KYAT3: variants seen among roughly 807,000 people sequenced by gnomAD.
KYAT3 encodes the protein kynurenine aminotransferase 3.
In KYAT3, 50 loss-of-function variants were observed where a neutral mutation model predicts 59.0. The observed-to-expected ratio is 0.85, with a 90% CI of 0.68 to 1.07. The LOEUF (loss-of-function observed/expected upper bound fraction) is 1.07, where lower values mean the gene tolerates loss of function less well. KYAT3 is among the 50% of genes least tolerant of loss of function. The pLI, the probability that KYAT3 is intolerant of heterozygous loss-of-function variation, is 0.00. For synonymous variants in KYAT3, 148 were observed against 177.0 expected (o/e 0.84, Z 1.30); for missense variants, 497 against 533.3 (o/e 0.93, Z 0.67).
intron 9 of KYAT3, among the ~76,000 whole-genome samples, chr1:88,953,889 C>T (rs1281549822): frequency 1.7e-5 from 2 of 121,172 alleles, no homozygotes; most frequent in Admixed American, 8.8e-5. Flanking sequence ...GATGCTCCCT[C>T]CTTCTTCTTC....
intron 12 of KYAT3, 86 bp downstream of exon 12, chr1:88,943,264 G>T: frequency 3.0e-6 from 3 of 1,009,948 alleles, no homozygotes; most frequent in Non-Finnish European, 4.6e-6. Flanking sequence ...CATTACATTT[G>T]ATCGATTTCA....
chr1:88,930,337 G>C, the KYAT3 span, among the ~76,000 whole-genome samples: 3 of 152,332 alleles, frequency 2.0e-5, no homozygotes, highest in African/African-American at 7.2e-5. Flanking sequence ...ATTACTTGAA[G>C]GGCCAGTGCT....
chr1:88,987,895 T>C (rs1240969754), intron 2 of KYAT3, among the ~76,000 whole-genome samples: 1 of 152,180 alleles, frequency 6.6e-6, no homozygotes, highest in Non-Finnish European at 1.5e-5. Context: ...CAGATGTACG[T>C]ATTGTATTTG....
At chr1:88,947,229 G>A (rs369138188) in intron 11 of KYAT3, among the ~76,000 whole-genome samples, 1 of 152,238 alleles carries the variant, frequency 6.6e-6, no homozygotes, top group African/African-American at 2.4e-5. Flanking sequence ...GTGCCTGCTC[G>A]CTCTAAACCC....
chr1:88,939,315 G>A (rs1675152288), intron 13 of KYAT3, among the ~76,000 whole-genome samples: 1 of 152,080 alleles, frequency 6.6e-6, no homozygotes, highest in Non-Finnish European at 1.5e-5. Context: ...TTCTTGGTAT[G>A]TTTTTGTCAT....
chr1:88,974,461 G>A (rs1374169413), intron 2 of KYAT3, among the ~76,000 whole-genome samples: 1 of 138,270 alleles, frequency 7.2e-6, no homozygotes, highest in Non-Finnish European at 1.5e-5. Context: ...GCATTTTGGT[G>A]TCTCTCTCTT....
intron 9 of KYAT3, 110 bp downstream of exon 9, chr1:88,955,039 T>G (rs914807013): frequency 1.5e-5 from 11 of 712,880 alleles, no homozygotes; most frequent in Admixed American, 2.2e-5. Context: ...GTGCTGGGAT[T>G]ACAGGCATGA....
chr1:88,939,887 G>A (rs766134578), intron 13 of KYAT3, among the ~76,000 whole-genome samples: 18 of 151,566 alleles, frequency 1.2e-4, no homozygotes, highest in Non-Finnish European at 2.2e-4. Context: ...CCCTGAATTC[G>A]TAAAATCTCT....
In KYAT3 at chr1:88,968,673, G is replaced by T; in HGVS notation, c.300C>A (p.Gly100=). The part of the protein sequence containing the change: ...AIDSLNQYTR[G]FGHPSLVKAL... ...CATATGGTCTTGATATACTTACAAA[G>T]CCTCGTGTATACTGATTCAGGCTAT... is the stretch of plus-strand genomic sequence containing the variant. The change falls in exon 4 of 14, where the codon GGC becomes GGA. Residue 100 remains glycine, a synonymous_variant. Transcript: ENST00000260508. The T allele has an allele frequency of 6.4e-7, 1 of 1,563,562 alleles. No individual in the cohort carries two copies. Among genetic ancestry groups the T allele is most frequent in the South Asian group, 1.2e-5 (1 of 81,748 alleles).
chr1:88,964,807 A>G, intron 5 of KYAT3, 22 bp downstream of exon 5: 1 of 1,540,536 alleles, frequency 6.5e-7, no homozygotes, highest in Non-Finnish European at 8.9e-7. Flanking sequence ...TATGGGTATT[A>G]CGATAATGTT....
At chr1:88,948,941 A>G (rs1047808225) in intron 11 of KYAT3, 150 bp downstream of exon 11, 2 of 566,812 alleles carry the variant, frequency 3.5e-6, no homozygotes, top group South Asian at 6.7e-5. Context: ...AAGTAAAGAT[A>G]ATTATAGAAA....
chr1:88,960,141 C>T (rs1676084330), intron 8 of KYAT3, among the ~76,000 whole-genome samples: 1 of 150,624 alleles, frequency 6.6e-6, no homozygotes, highest in South Asian at 2.1e-4. Flanking sequence ...CTCCATGTTG[C>T]CCAGGCCAGT....
At chr1:88,943,180 A>T in intron 12 of KYAT3, 89 bp from the exon 13 acceptor site, 2 of 1,107,962 alleles carry the variant, frequency 1.8e-6, no homozygotes. Context: ...GCAACTAGAT[A>T]CTTTTAAATA....
chr1:88,983,286 C>T, intron 2 of KYAT3: 1 of 1,613,868 alleles, frequency 6.2e-7, no homozygotes, highest in Non-Finnish European at 8.5e-7. Context: ...GATAGAGGAG[C>T]TCTTCCTCCC....
chr1:88,981,993 T>A (rs1176601599), intron 2 of KYAT3: 9 of 982,658 alleles, frequency 9.2e-6, no homozygotes, highest in Non-Finnish European at 1.1e-5. Context: ...TTATTTAGTA[T>A]TCCGTAGTTG....
At chr1:88,975,954 G>A (rs2101066947) in intron 2 of KYAT3, among the ~76,000 whole-genome samples, 1 of 152,252 alleles carries the variant, frequency 6.6e-6, no homozygotes, top group South Asian at 2.1e-4. Context: ...AGAATCGTCT[G>A]ACCCAGGAGG....
intron 8 of KYAT3, among the ~76,000 whole-genome samples, chr1:88,960,265 A>AT: frequency 6.6e-6 from 1 of 151,878 alleles, no homozygotes; most frequent in Non-Finnish European, 1.5e-5. Context: ...TCTCTGCCAC[A>AT]TTTTTTAGTC....
chr1:88,982,658 T>C (rs1184620610), intron 2 of KYAT3: 23 of 1,594,782 alleles, frequency 1.4e-5, no homozygotes, highest in Non-Finnish European at 1.9e-5. Context: ...TTGTTTCTAG[T>C]ATCTGCTTCT....
At chr1:88,981,676 G>T in intron 2 of KYAT3, 1 of 178,288 alleles carries the variant, frequency 5.6e-6, no homozygotes, top group South Asian at 1.6e-4. Flanking sequence ...CTTAGCATTT[G>T]ATTTCTCTTA....
Sources: allele counts gnomAD v4.1 joint callset (sites outside exome capture counted in the v4.1 genomes callset), GRCh38; gene constraint gnomAD v4.1.1; transcripts MANE v1.5; gene names NCBI Gene and HGNC (gene_info 2026-07-23, HGNC 2026-07-21).